MTM1: variants seen among roughly 807,000 people sequenced by gnomAD.
MTM1 encodes myotubularin 1.
MTM1 carries 9 observed loss-of-function variants against 52.1 expected under a neutral mutation model. The observed-to-expected ratio is 0.17, with a 90% CI of 0.10 to 0.30. The LOEUF (loss-of-function observed/expected upper bound fraction) is 0.30, where lower values mean the gene tolerates loss of function less well. Ranked by LOEUF, MTM1 falls within the 10% of genes least tolerant of loss-of-function variation. The probability of loss-of-function intolerance (pLI) is 1.00; values close to 1 mark genes in which losing one functional copy is unlikely to be tolerated. For synonymous variants in MTM1, 136 were observed against 163.8 expected (o/e 0.83, Z 1.29); for missense variants, 277 against 470.7 (o/e 0.59, Z 3.81).
At chrX:150,617,740 G>T (rs1557413172) in intron 5 of MTM1, among the ~76,000 whole-genome samples, 8 of 111,604 alleles carry the variant, frequency 7.2e-5, no homozygotes. Context: ...GATAAGGAAG[G>T]AAAAAGCACC....
intron 1 of MTM1, among the ~76,000 whole-genome samples, chrX:150,585,556 T>C (rs782681094): frequency 8.9e-6 from 1 of 112,911 alleles, no homozygotes; most frequent in East Asian, 2.7e-4. Flanking sequence ...AAATGTACTT[T>C]TTGTGAATAG....
At chrX:150,579,017 CTCTA>C (rs59889586) in intron 1 of MTM1, among the ~76,000 whole-genome samples, 40,220 of 98,009 alleles carry the variant, frequency 0.41, 6,435 homozygotes, top group South Asian at 0.57. Context: ...ATCTATATAT[CTCTA>C]TCTATCTATC....
At chrX:150,594,458 T>A (rs1052089612) in intron 2 of MTM1, among the ~76,000 whole-genome samples, 9 of 111,945 alleles carry the variant, frequency 8.0e-5, no homozygotes, top group Admixed American at 2.8e-4. Flanking sequence ...ACAAGTCTTC[T>A]TCCTGATTTA....
chrX:150,616,176 C>T (rs149701385), intron 5 of MTM1, among the ~76,000 whole-genome samples: 7,846 of 111,399 alleles, frequency 0.07, 205 homozygotes, highest in Non-Finnish European at 0.078. Context: ...TGACTATTTA[C>T]GAACAAAAGG....
rs2039803075 is a variant in MTM1 at position 150,638,999 on chromosome X, C to T, written c.501C>T (p.Tyr167=). The T allele has an allele frequency of 8.3e-7, 1 of 1,206,758 alleles. No individual in the cohort carries two copies. The highest frequency in any genetic ancestry group is 3.0e-5 in the East Asian group (1 of 33,810). Residue 167 remains tyrosine, a synonymous_variant, in exon 7 of 15, where the codon TAC becomes TAT. Transcript: ENST00000370396. The part of the protein sequence containing the change: ...EKFNVDGWTV[Y]NPVEEYRRQG... ...TTAACGTGGATGGATGGACAGTTTA[C>T]AATCCAGTGGAAGAATACAGGAGGC... is the stretch of plus-strand genomic sequence containing the variant.
chrX:150,587,039 G>C lies in MTM1; in HGVS notation c.-10-5566G>C, dbSNP rs138891152. ...TCCTCATGACAGCACTGTGAGGGCT[G>C]GCGTCACACCCATTTTACAGACTGG... On this transcript the variant is annotated intron_variant, in intron 1 of 14. Coordinates refer to ENST00000370396, the MANE Select transcript of MTM1 (RefSeq NM_000252.3). Among the ~76,000 whole-genome samples the C allele has an allele frequency of 8.1e-5, 9 of 110,898 alleles. No homozygotes were observed. In the East Asian group the frequency reaches 2.5e-3, roughly 31 times the overall value.
chrX:150,660,438 G>A lies in MTM1; in HGVS notation c.1421G>A (p.Arg474Gln), dbSNP rs782364557. ...ATTTTGGATCATCTGTATAGTTGCC[G>A]ATTTGGTACTTTCTTATTCAACTGT... ...IIILDHLYSC[R>Q]FGTFLFNCES... Residue 474 changes from arginine (R) to glutamine (Q), a missense_variant, in exon 13 of 15, where the codon CGA becomes CAA. By Grantham distance (43) the Arg-to-Gln change is conservative. Coordinates refer to ENST00000370396, the MANE Select transcript of MTM1 (RefSeq NM_000252.3). The A allele has an allele frequency of 3.3e-6, 4 of 1,202,349 alleles. No homozygotes were observed. The South Asian group carries it at 5.3e-5, about 16-fold the overall frequency.
At chrX:150,580,798 C>T (rs2038568172) in intron 1 of MTM1, among the ~76,000 whole-genome samples, 3 of 111,733 alleles carry the variant, frequency 2.7e-5, no homozygotes, top group Admixed American at 1.9e-4. Context: ...TTTGCATACT[C>T]CTTCTCTACT....
At chrX:150,652,694 CAT>C (rs781805051) in intron 10 of MTM1, among the ~76,000 whole-genome samples, 7,342 of 89,859 alleles carry the variant, frequency 0.082, 315 homozygotes, top group Non-Finnish European at 0.13. Context: ...CACACACACA[CAT>C]ACATACAGAA....
At chrX:150,615,239 G>A (rs185081563) in intron 5 of MTM1, among the ~76,000 whole-genome samples, 102 of 111,653 alleles carry the variant, frequency 9.1e-4, no homozygotes, top group Non-Finnish European at 1.7e-3. Flanking sequence ...CTGAGATGGC[G>A]TGATGGGAGC....
At chrX:150,606,375 A>G (rs1344496252) in intron 4 of MTM1, among the ~76,000 whole-genome samples, 1 of 111,946 alleles carries the variant, frequency 8.9e-6, no homozygotes, top group Non-Finnish European at 1.9e-5. Flanking sequence ...GTAAGCTACT[A>G]AGCTCTGATG....
At chrX:150,598,749 T>A in intron 4 of MTM1, 63 bp downstream of exon 4, 1 of 779,384 alleles carries the variant, frequency 1.3e-6, no homozygotes, top group Non-Finnish European at 1.9e-6. Flanking sequence ...AAATTGTTTC[T>A]CTTCTACTTT....
intron 6 of MTM1, among the ~76,000 whole-genome samples, chrX:150,625,798 C>G (rs1449540426): frequency 8.9e-6 from 1 of 112,359 alleles, no homozygotes; most frequent in Admixed American, 9.4e-5. Flanking sequence ...TTTTTGTTTT[C>G]GTGTGTGTGG....
intron 13 of MTM1, among the ~76,000 whole-genome samples, chrX:150,662,070 TACTG>T (rs1395566773): frequency 9.0e-6 from 1 of 111,603 alleles, no homozygotes; most frequent in Non-Finnish European, 1.9e-5. Context: ...TTGTAAATAA[TACTG>T]GGGGAAAAAC....
In MTM1 at chrX:150,672,948, A is replaced by G. The variant is rs781973194; in HGVS notation, c.*1353A>G. On this transcript the variant is annotated 3_prime_UTR_variant, in exon 15 of 15. Transcript: ENST00000370396. ...CAGTAGTATAATGTATGAATTTTGT[A>G]AGTATAAGAAATTTTATTAGACATT... 1.8e-5 allele frequency: 2 copies of G among 112,569 alleles called. No individual in the cohort carries two copies. Among genetic ancestry groups the G allele is most frequent in the South Asian group, 7.2e-4 (2 of 2,759 alleles). The allele number at this position is 112,569 out of a possible 1,213,427, so 9.3% of individuals were successfully genotyped here.
intron 1 of MTM1, among the ~76,000 whole-genome samples, chrX:150,589,870 A>G (rs1441881094): frequency 1.8e-5 from 2 of 110,227 alleles, no homozygotes; most frequent in Non-Finnish European, 3.8e-5. Context: ...AATTTGTAGA[A>G]TTGGCTAAGA....
At chrX:150,655,457 A>C (rs1298603401) in intron 10 of MTM1, among the ~76,000 whole-genome samples, 2 of 112,439 alleles carry the variant, frequency 1.8e-5, no homozygotes, top group Non-Finnish European at 1.9e-5. Context: ...TCATGCCAGC[A>C]CTATTCATAG....
chrX:150,624,199 T>G (rs782781617), intron 6 of MTM1, among the ~76,000 whole-genome samples: 1 of 112,289 alleles, frequency 8.9e-6, no homozygotes, highest in African/African-American at 3.2e-5. Flanking sequence ...TCTGGTAAGA[T>G]GCGCACTTTT....
upstream of MTM1, among the ~76,000 whole-genome samples, chrX:150,563,548 C>T (rs370415614): frequency 3.9e-5 from 4 of 102,916 alleles, no homozygotes; most frequent in Non-Finnish European, 4.0e-5. Context: ...CTCCTGACCT[C>T]GTGATCTGCT....
Sources: allele counts gnomAD v4.1 joint callset (sites outside exome capture counted in the v4.1 genomes callset), GRCh38; gene constraint gnomAD v4.1.1; transcripts MANE v1.5; gene names NCBI Gene and HGNC (gene_info 2026-07-23, HGNC 2026-07-21).